The following ANKRD11 variants were observed in gnomAD, a reference collection of about 807,000 sequenced individuals.
The protein encoded by ANKRD11 is ankyrin repeat domain-containing protein 11.
In ANKRD11, 17 loss-of-function variants were observed where a neutral mutation model predicts 195.7. The ratio of observed to expected loss-of-function variants is 0.09; its 90% CI spans 0.06 to 0.13. ANKRD11 has a LOEUF of 0.13. Ranked by LOEUF, ANKRD11 falls within the 10% of genes least tolerant of loss-of-function variation. The pLI, the probability that ANKRD11 is intolerant of heterozygous loss-of-function variation, is 1.00. For missense variants in ANKRD11, 3,735 were observed against 3,566.1 expected (o/e 1.05, Z -1.21); for synonymous variants, 1,953 against 1,528.1 (o/e 1.28, Z -6.49).
At chr16:89,274,781 G>T (rs375665514) in intron 11 of ANKRD11, 33 bp downstream of exon 11, 2 of 1,605,274 alleles carry the variant, frequency 1.2e-6, no homozygotes, top group Non-Finnish European at 8.5e-7. Flanking sequence ...CAGGCACTTG[G>T]ACTCATGGGC....
intron 2 of ANKRD11, among the ~76,000 whole-genome samples, chr16:89,337,955 A>C (rs1022581096): frequency 6.6e-6 from 1 of 152,196 alleles, no homozygotes; most frequent in African/African-American, 2.4e-5. Flanking sequence ...ATGAGGGTCC[A>C]GCTTCCAAGC....
chr16:89,301,317 A>T (rs1183587244), intron 4 of ANKRD11: 3 of 383,622 alleles, frequency 7.8e-6, no homozygotes, highest in Non-Finnish European at 1.4e-5. Flanking sequence ...AAAAGTAGAC[A>T]AAGTAGTATC....
intron 2 of ANKRD11, among the ~76,000 whole-genome samples, chr16:89,384,862 CA>C (rs1281052011): frequency 9.2e-6 from 1 of 108,856 alleles, no homozygotes; most frequent in Non-Finnish European, 1.9e-5. Context: ...TGGGAGCACA[CA>C]ATGAGAAATA....
Position 89,311,525 on chromosome 16 carries a change from C to A in ANKRD11, c.87+5408G>T, listed in dbSNP as rs185159771. Among the ~76,000 whole-genome samples, 320 of 152,278 alleles carry A rather than the reference C, an allele frequency of 2.1e-3. 3 individuals are homozygous for A. Among genetic ancestry groups the A allele is most frequent in the Non-Finnish European group, 3.2e-3 (216 of 68,026 alleles). On this transcript the variant is annotated intron_variant, in intron 3 of 12. Coordinates refer to ENST00000301030, the MANE Select transcript of ANKRD11 (RefSeq NM_013275.6). Reference sequence around the variant, plus strand: ...CATGAACCTCTATGCTTACCTCACACCACATACAAAACATGAAAATCTATG... The same window carrying A: ...CATGAACCTCTATGCTTACCTCACAACACATACAAAACATGAAAATCTATG...
chr16:89,313,274 C>T (rs2036719386), intron 3 of ANKRD11: 2 of 1,275,180 alleles, frequency 1.6e-6, no homozygotes, highest in African/African-American at 1.5e-5. Flanking sequence ...CGACAGGGGA[C>T]CCATGGGGTG....
intron 9 of ANKRD11, chr16:89,278,244 G>C (rs1034721597): frequency 2.9e-6 from 1 of 346,344 alleles, no homozygotes; most frequent in African/African-American, 2.2e-5. Context: ...CGTCACCGAG[G>C]ACAGACGGGT....
intron 2 of ANKRD11, among the ~76,000 whole-genome samples, chr16:89,394,190 C>G (rs190000324): frequency 6.6e-6 from 1 of 151,898 alleles, no homozygotes; most frequent in East Asian, 1.9e-4. Context: ...GTGGCAGGAG[C>G]CTCTGACCTG....
chr16:89,439,657 A>G (rs1429235317), intron 1 of ANKRD11, among the ~76,000 whole-genome samples: 4 of 152,112 alleles, frequency 2.6e-5, no homozygotes, highest in East Asian at 1.9e-4. Flanking sequence ...AGCTTGTTCT[A>G]TTCTTCATCT....
At chr16:89,361,068 C>T (rs1157386775) in intron 2 of ANKRD11, among the ~76,000 whole-genome samples, 3 of 152,212 alleles carry the variant, frequency 2.0e-5, no homozygotes, top group African/African-American at 7.2e-5. Context: ...CACCCCAGCC[C>T]CTGCTGCAAT....
chr16:89,286,219 C>G (rs750374285), intron 7 of ANKRD11, 33 bp from the exon 8 acceptor site: 5 of 1,608,648 alleles, frequency 3.1e-6, no homozygotes, highest in Middle Eastern at 1.7e-4. Context: ...TCAGGGACTG[C>G]TGGAGAAGCA....
At chr16:89,288,974 A>G (rs1174788088) in intron 6 of ANKRD11, 2 of 502,248 alleles carry the variant, frequency 4.0e-6, no homozygotes, top group Non-Finnish European at 3.7e-6. Flanking sequence ...ACAGTGTAGT[A>G]AACAGCAGCC....
chr16:89,295,398 T>C (rs1260190771), intron 4 of ANKRD11, among the ~76,000 whole-genome samples: 1 of 152,004 alleles, frequency 6.6e-6, no homozygotes, highest in African/African-American at 2.4e-5. Flanking sequence ...ACAAGGCCCG[T>C]AGGGCCTTTC....
At chr16:89,459,018 A>C (rs2056556694) in intron 1 of ANKRD11, 2 of 154,320 alleles carry the variant, frequency 1.3e-5, no homozygotes, top group South Asian at 3.9e-4. Flanking sequence ...AACTCTTCAA[A>C]AACTATACTA....
intron 2 of ANKRD11, among the ~76,000 whole-genome samples, chr16:89,376,368 A>G (rs1408077960): frequency 6.6e-6 from 1 of 152,210 alleles, no homozygotes; most frequent in Non-Finnish European, 1.5e-5. Context: ...GCCAACCAAG[A>G]GGTAGCAGAT....
chr16:89,413,355 G>A (rs992597679), intron 2 of ANKRD11, among the ~76,000 whole-genome samples: 9 of 152,214 alleles, frequency 5.9e-5, no homozygotes, highest in African/African-American at 2.2e-4. Context: ...ACTGGGCGCA[G>A]TGGCTCACGC....
intron 2 of ANKRD11, among the ~76,000 whole-genome samples, chr16:89,394,792 T>C (rs2041354155): frequency 6.6e-6 from 1 of 152,102 alleles, no homozygotes; most frequent in African/African-American, 2.4e-5. Flanking sequence ...CTCCATAATA[T>C]ATGGCCCCGA....
chr16:89,292,398 C>T (rs751174645), intron 4 of ANKRD11, among the ~76,000 whole-genome samples: 5 of 152,202 alleles, frequency 3.3e-5, no homozygotes, highest in Non-Finnish European at 4.4e-5. Context: ...TCCCAGGGCC[C>T]GACTCTCTTG....
chr16:89,394,607 G>A (rs939617404), intron 2 of ANKRD11, among the ~76,000 whole-genome samples: 1 of 148,190 alleles, frequency 6.7e-6, no homozygotes, highest in East Asian at 2.0e-4. Context: ...CAGCCTGGGC[G>A]ACAAAAGCAA....
At chr16:89,371,729 G>A (rs1224262373) in intron 2 of ANKRD11, among the ~76,000 whole-genome samples, 2 of 152,202 alleles carry the variant, frequency 1.3e-5, no homozygotes, top group East Asian at 1.9e-4. Context: ...TGTGGAGGGC[G>A]ATGCGGACTC....
Sources: gnomAD v4.1 joint callset for allele counts (sites outside exome capture counted in the v4.1 genomes callset) on GRCh38, gnomAD v4.1.1 for gene constraint, MANE v1.5 for transcripts, NCBI Gene and HGNC (gene_info 2026-07-23, HGNC 2026-07-21) for gene names.